Variants in SAMD14 observed in about 807,000 individuals in gnomAD.
The protein encoded by SAMD14 is sterile alpha motif domain-containing protein 14.
A neutral mutation model predicts 46.2 loss-of-function variants in SAMD14; 27 were observed. The ratio of observed to expected loss-of-function variants is 0.58; its 90% CI spans 0.43 to 0.81. The LOEUF (loss-of-function observed/expected upper bound fraction) is 0.81, where lower values mean the gene tolerates loss of function less well. Ranked by LOEUF, SAMD14 falls within the 30% of genes least tolerant of loss-of-function variation. The pLI is 0.00. For missense variants in SAMD14, 559 were observed against 582.2 expected, an observed-to-expected ratio of 0.96 and a Z score of 0.41; for synonymous variants, 241 against 254.3, an observed-to-expected ratio of 0.95 and a Z score of 0.50.
At chr17:50,116,371 T>C in intron 4 of SAMD14, 1 of 285,230 alleles carries the variant, frequency 3.5e-6, no homozygotes, top group Admixed American at 4.7e-5. Context: ...TAGGAATCAC[T>C]ACCATTTACT....
Position 50,124,906 on chromosome 17 carries a change from AC to A in SAMD14, c.43+10del. On this transcript the variant is annotated intron_variant, in intron 2 of 9. Transcript: ENST00000330175. ...GTCTATTGGCTAGAGATAGAGCCAC[AC>A]AGAACTTACCAAAAACTTCATCCAC... 1.2e-6 allele frequency: 2 copies of A among 1,613,890 alleles called. No individual in the cohort carries two copies. The highest frequency in any genetic ancestry group is 1.7e-6 in the Non-Finnish European group (2 of 1,179,846).
intron 2 of SAMD14, among the ~76,000 whole-genome samples, chr17:50,121,922 A>C (rs1342633326): frequency 6.6e-6 from 1 of 152,210 alleles, no homozygotes; most frequent in Non-Finnish European, 1.5e-5. Context: ...TTATACTAGC[A>C]CTATCTTCCT....
chr17:50,122,022 G>A (rs920802433), intron 2 of SAMD14, among the ~76,000 whole-genome samples: 3 of 152,198 alleles, frequency 2.0e-5, no homozygotes, highest in African/African-American at 7.2e-5. Context: ...ACAGGCGCTC[G>A]CTGGTGATGG....
chr17:50,128,363 G>A (rs1911871081), intron 1 of SAMD14, among the ~76,000 whole-genome samples: 1 of 151,856 alleles, frequency 6.6e-6, no homozygotes, highest in South Asian at 2.1e-4. Flanking sequence ...TCCCTACATT[G>A]TGTCCAGGGG....
chr17:50,121,410 C>T (rs1911495885), intron 2 of SAMD14, among the ~76,000 whole-genome samples: 1 of 152,030 alleles, frequency 6.6e-6, no homozygotes, highest in East Asian at 1.9e-4. Context: ...CTCCACCTCC[C>T]AGGCTCAATC....
intron 1 of SAMD14, 134 bp from the exon 2 acceptor site, chr17:50,125,105 T>A: frequency 1.3e-6 from 1 of 748,898 alleles, no homozygotes; most frequent in Non-Finnish European, 2.2e-6. Flanking sequence ...GAACCCTTCT[T>A]CTGTCCCCTG....
rs1390979941 is a variant in SAMD14 at position 50,125,300 on chromosome 17, T to G, written c.-12-329A>C. ...CACTGAACTTCTCCCCTTCACTGTC[T>G]TGGGCCTTCGCATCATTAGCATCCC... On this transcript the variant is annotated intron_variant, in intron 1 of 9. Coordinates refer to ENST00000330175, the MANE Select transcript of SAMD14 (RefSeq NM_001257359.2). The G allele has an allele frequency of 1.0e-5, 3 of 297,466 alleles. No individual in the cohort carries two copies. The East Asian group carries it at 2.1e-4, about 21-fold the overall frequency. 18.4% of individuals were successfully genotyped at this position (297,466 alleles called of 1,614,324 possible).
chr17:50,122,302 C>T (rs965768888), intron 2 of SAMD14, among the ~76,000 whole-genome samples: 1 of 152,182 alleles, frequency 6.6e-6, no homozygotes, highest in African/African-American at 2.4e-5. Context: ...ATCATGAGAG[C>T]CTGGTGTGGC....
At chr17:50,122,601 C>A (rs1019781119) in intron 2 of SAMD14, among the ~76,000 whole-genome samples, 2 of 152,166 alleles carry the variant, frequency 1.3e-5, no homozygotes, top group Admixed American at 6.5e-5. Flanking sequence ...CTGGCTTGTT[C>A]TTTGCTGTCT....
chr17:50,114,943 T>C (rs978176332), intron 7 of SAMD14: 1 of 155,056 alleles, frequency 6.4e-6, no homozygotes, highest in Non-Finnish European at 1.4e-5. Context: ...TGCCAGTCTG[T>C]GGGCAAGCCC....
At chr17:50,120,183 A>C (rs1051801255) in intron 2 of SAMD14, among the ~76,000 whole-genome samples, 1 of 152,140 alleles carries the variant, frequency 6.6e-6, no homozygotes, top group Admixed American at 6.5e-5. Flanking sequence ...TGCATGATAG[A>C]CTACACTTTG....
At chr17:50,125,951 G>A (rs1239023323) in intron 1 of SAMD14, among the ~76,000 whole-genome samples, 2 of 152,302 alleles carry the variant, frequency 1.3e-5, no homozygotes, top group African/African-American at 4.8e-5. Flanking sequence ...AGCAAGAAGG[G>A]AGGGCAGATA....
At position 50,117,397 on chromosome 17, in the gene SAMD14, C is replaced by T. The variant is rs906742643; in HGVS notation, c.499+10G>A. 7 of 1,297,018 alleles carry T rather than the reference C, an allele frequency of 5.4e-6. No homozygotes were observed. Among genetic ancestry groups the T allele is most frequent in the South Asian group, 2.4e-5 (1 of 42,404 alleles). 80.3% of individuals were successfully genotyped at this position (1,297,018 alleles called of 1,614,324 possible). ...GACCAGCAGGAGGTGCGGCGCTGGC[C>T]GCCTCTCACCTTCGCTGTGCGGCTC... On this transcript the variant is annotated intron_variant, in intron 4 of 9. Coordinates refer to ENST00000330175, the MANE Select transcript of SAMD14 (RefSeq NM_001257359.2).
chr17:50,113,564 C>G (rs1156635188), intron 9 of SAMD14: 1 of 315,316 alleles, frequency 3.2e-6, no homozygotes, highest in Non-Finnish European at 6.0e-6. Flanking sequence ...GCCTCTGAGA[C>G]AGAATCAGAC....
At chr17:50,113,513 AC>A (rs1265614830) in intron 9 of SAMD14, 4 of 270,674 alleles carry the variant, frequency 1.5e-5, no homozygotes, top group African/African-American at 4.4e-5. Context: ...AGAGGCCACC[AC>A]CCCCTTCCTA....
rs1910934126 is a variant in SAMD14, at chr17:50,112,918, CG to C, written c.1228del (p.Arg410GlufsTer105). 3 of 1,606,882 alleles carry C rather than the reference CG, an allele frequency of 1.9e-6. No homozygotes were observed. The highest frequency in any genetic ancestry group is 2.5e-6 in the Non-Finnish European group (3 of 1,179,832). On this transcript the variant is annotated frameshift_variant, in exon 10 of 10. Transcript: ENST00000330175. LOFTEE classifies it high-confidence loss of function. ...CTAGCTCTTCTTGGCCTCCTGCTCT[CG>C]GCGCCGGAGCTTCTCCCGCTGCCGC... is the stretch of plus-strand genomic sequence containing the variant. ...AARQREKLRRREQEAKKS is the reference protein window; with the variant it reads ...AARQREKLRRXEQEAKKS
Position 50,112,844 on chromosome 17 carries a change from C to G in SAMD14, c.*49G>C. 2 of 1,573,598 alleles carry G rather than the reference C, an allele frequency of 1.3e-6. No homozygotes were observed. Among genetic ancestry groups the G allele is most frequent in the South Asian group, 1.1e-5 (1 of 87,484 alleles). ...GCCTCCCTGGTGAGGCCTGTGCCCGCGGAGCCAGTGGCTGCCCCTGCCGGG... is the reference window on the plus strand; with the variant it reads ...GCCTCCCTGGTGAGGCCTGTGCCCGGGGAGCCAGTGGCTGCCCCTGCCGGG... On this transcript the variant is annotated 3_prime_UTR_variant, in exon 10 of 10. Coordinates refer to ENST00000330175, the MANE Select transcript of SAMD14 (RefSeq NM_001257359.2).
At position 50,117,508 on chromosome 17, in the gene SAMD14, C is replaced by T; in HGVS notation, c.398G>A (p.Gly133Asp). ...RPLHNAASHEGLAAASCSPPR... is the reference protein window; with the variant it reads ...RPLHNAASHEDLAAASCSPPR... ...CGGAGAGCAGGAGGCGGCGGCCAGG[C>T]CCTCGTGCGACGCAGCGTTGTGCAG... The change falls in exon 4 of 10, where the codon GGC becomes GAC. Residue 133 changes from glycine (G) to aspartate (D), a missense_variant. By Grantham distance (94) the Gly-to-Asp change is moderately conservative. Coordinates refer to ENST00000330175, the MANE Select transcript of SAMD14 (RefSeq NM_001257359.2). 6.8e-7 allele frequency: 1 copy of T among 1,479,192 alleles called. No individual in the cohort carries two copies. The highest frequency in any genetic ancestry group is 1.3e-5 in the South Asian group (1 of 75,490). 91.6% of individuals were successfully genotyped at this position (1,479,192 alleles called of 1,614,324 possible). A position where few individuals can be genotyped will look rare whatever the true frequency, so the allele number is the denominator to read the frequency against.
intron 2 of SAMD14, 151 bp downstream of exon 2, chr17:50,124,766 C>CGCGCGT: frequency 1.5e-6 from 1 of 678,802 alleles, no homozygotes; most frequent in East Asian, 2.7e-5. Flanking sequence ...CGTGCACGCG[C>CGCGCGT]GCGCGCACAC....
Sources: gnomAD v4.1 joint callset for allele counts (sites outside exome capture counted in the v4.1 genomes callset) on GRCh38, gnomAD v4.1.1 for gene constraint, MANE v1.5 for transcripts, NCBI Gene and HGNC (gene_info 2026-07-23, HGNC 2026-07-21) for gene names.